Variants in TAFA5 observed in about 807,000 individuals in gnomAD.
TAFA5 encodes the protein chemokine-like protein TAFA-5.
A neutral mutation model predicts 15.3 loss-of-function variants in TAFA5; 6 were observed. The ratio of observed to expected loss-of-function variants is 0.39; its 90% confidence interval spans 0.21 to 0.77. TAFA5 has a LOEUF of 0.77. Among genes scored for constraint, TAFA5 ranks in the 30% least tolerant of loss-of-function variants. The pLI is 0.41. For missense variants in TAFA5, 161 were observed against 193.1 expected, an observed-to-expected ratio of 0.83 and a Z score of 0.98; for synonymous variants, 103 against 80.7, an observed-to-expected ratio of 1.28 and a Z score of -1.48.
At chr22:48,542,548 A>ATG (rs1922470572) in intron 1 of TAFA5, among the ~76,000 whole-genome samples, 1 of 26,702 alleles carries the variant, frequency 3.7e-5, no homozygotes, top group Non-Finnish European at 6.4e-5. Context: ...TGTGTGTGTG[A>ATG]TGTGTATGTG....
chr22:48,502,945 A>G (rs1469425082), intron 1 of TAFA5, among the ~76,000 whole-genome samples: 1 of 152,200 alleles, frequency 6.6e-6, no homozygotes, highest in Non-Finnish European at 1.5e-5. Context: ...AACGGGTCAT[A>G]TAGGACTCAT....
At chr22:48,695,007 A>G (rs1195316041) in intron 2 of TAFA5, among the ~76,000 whole-genome samples, 2 of 151,852 alleles carry the variant, frequency 1.3e-5, no homozygotes, top group Non-Finnish European at 2.9e-5. Context: ...ATGGTTTCAC[A>G]GTGACCGTCC....
chr22:48,699,311 G>C (rs72619584), intron 2 of TAFA5, among the ~76,000 whole-genome samples: 12,274 of 152,214 alleles, frequency 0.081, 905 homozygotes, highest in East Asian at 0.43. Flanking sequence ...GACTATGAAC[G>C]CACACAAAGC....
chr22:48,724,316 A>C (rs531083221), intron 3 of TAFA5, among the ~76,000 whole-genome samples: 1 of 152,316 alleles, frequency 6.6e-6, no homozygotes, highest in African/African-American at 2.4e-5. Flanking sequence ...TTCTCACAGG[A>C]CACAGGGACA....
chr22:48,683,755 A>T (rs762221788), intron 2 of TAFA5, among the ~76,000 whole-genome samples: 7 of 152,218 alleles, frequency 4.6e-5, no homozygotes, highest in Non-Finnish European at 1.0e-4. Flanking sequence ...GTTGAATTGT[A>T]ATCCCCACAT....
At chr22:48,591,564 G>A (rs867584650) in intron 1 of TAFA5, among the ~76,000 whole-genome samples, 33 of 152,260 alleles carry the variant, frequency 2.2e-4, no homozygotes, top group Middle Eastern at 3.2e-3. Flanking sequence ...GGCGCAGGGA[G>A]TGGGCACTGA....
At chr22:48,525,076 A>AACTT (rs1921733453) in intron 1 of TAFA5, among the ~76,000 whole-genome samples, 1 of 151,956 alleles carries the variant, frequency 6.6e-6, no homozygotes, top group Admixed American at 6.6e-5. Context: ...GCCTCCCCTC[A>AACTT]ACTTACCAGA....
chr22:48,538,423 A>G (rs1601563621), intron 1 of TAFA5, among the ~76,000 whole-genome samples: 1 of 152,204 alleles, frequency 6.6e-6, no homozygotes, highest in Non-Finnish European at 1.5e-5. Context: ...TTGGCTGGCG[A>G]GCTTTCCCTC....
chr22:48,642,591 C>T (rs574651005), intron 1 of TAFA5, among the ~76,000 whole-genome samples: 1 of 152,274 alleles, frequency 6.6e-6, no homozygotes, highest in Admixed American at 6.5e-5. Context: ...CTGGACCCCT[C>T]CCCAAAGGCC....
chr22:48,532,269 C>CGGA (rs1323751371), intron 1 of TAFA5, among the ~76,000 whole-genome samples: 2 of 152,348 alleles, frequency 1.3e-5, no homozygotes, highest in South Asian at 2.1e-4. Flanking sequence ...TAGGAGATTA[C>CGGA]GGAGGCCGCA....
chr22:48,730,144 G>T (rs953281749), intron 3 of TAFA5, among the ~76,000 whole-genome samples: 4 of 152,188 alleles, frequency 2.6e-5, no homozygotes, highest in African/African-American at 9.7e-5. Context: ...CAGCACTTTG[G>T]GAGGCCGAGG....
At chr22:48,616,697 A>G (rs775913270) in intron 1 of TAFA5, among the ~76,000 whole-genome samples, 1 of 151,670 alleles carries the variant, frequency 6.6e-6, no homozygotes, top group Non-Finnish European at 1.5e-5. Context: ...CTTCCTGCCT[A>G]TCCCACCCTC....
intron 1 of TAFA5, among the ~76,000 whole-genome samples, chr22:48,633,514 CTGTCTGTCTGTCTGTCTG>C (rs1264084193): frequency 8.1e-5 from 6 of 73,816 alleles, no homozygotes; most frequent in African/African-American, 2.7e-4. Context: ...GTCTGTCTGT[CTGTCTGTCTGTCTGTCTG>C]TCTCTCCCTC....
At chr22:48,525,964 T>TG (rs1201042378) in intron 1 of TAFA5, among the ~76,000 whole-genome samples, 10 of 152,242 alleles carry the variant, frequency 6.6e-5, no homozygotes, top group African/African-American at 2.4e-4. Flanking sequence ...GCTGTCAGGC[T>TG]GGACAAGGGC....
intron 1 of TAFA5, among the ~76,000 whole-genome samples, chr22:48,619,291 G>T (rs1474706396): frequency 6.6e-6 from 1 of 152,102 alleles, no homozygotes; most frequent in African/African-American, 2.4e-5. Flanking sequence ...CTGAACCCCA[G>T]ACTCTTGGAC....
chr22:48,521,218 A>C (rs16999308), intron 1 of TAFA5, among the ~76,000 whole-genome samples: 12,854 of 152,182 alleles, frequency 0.084, 739 homozygotes, highest in East Asian at 0.25. Context: ...TTGCTTTTAC[A>C]GGCTCATCTG....
intron 2 of TAFA5, among the ~76,000 whole-genome samples, chr22:48,680,716 G>A (rs924269795): frequency 2.1e-4 from 32 of 152,268 alleles, no homozygotes; most frequent in African/African-American, 7.2e-4. Context: ...GGTCCTCACC[G>A]TGGGAGGTCC....
intron 1 of TAFA5, among the ~76,000 whole-genome samples, chr22:48,590,848 T>G (rs925777679): frequency 2.0e-5 from 3 of 149,512 alleles, no homozygotes; most frequent in Non-Finnish European, 4.4e-5. Context: ...TCATGATTTG[T>G]TCTTTTTTTT....
chr22:48,499,205 C>G (rs1361772903), intron 1 of TAFA5, among the ~76,000 whole-genome samples: 1 of 152,202 alleles, frequency 6.6e-6, no homozygotes, highest in Non-Finnish European at 1.5e-5. Flanking sequence ...CTTAATTTCT[C>G]CGCATTTCAC....
Sources: gnomAD v4.1 joint callset for allele counts (sites outside exome capture counted in the v4.1 genomes callset) on GRCh38, gnomAD v4.1.1 for gene constraint, MANE v1.5 for transcripts, NCBI Gene and HGNC (gene_info 2026-07-23, HGNC 2026-07-21) for gene names.